Variants in ZMAT4 observed in about 807,000 individuals in gnomAD.
ZMAT4 encodes the protein zinc finger matrin-type 4.
ZMAT4 carries 17 observed loss-of-function variants against 28.7 expected under a neutral mutation model. The ratio of observed to expected loss-of-function variants is 0.59; its 90% CI spans 0.41 to 0.89. The LOEUF is 0.89. Ranked by LOEUF, ZMAT4 falls within the 40% of genes least tolerant of loss-of-function variation. The pLI is 0.00. For missense variants in ZMAT4, 240 were observed against 283.8 expected, an observed-to-expected ratio of 0.85 and a Z score of 1.11; for synonymous variants, 117 against 109.2, an observed-to-expected ratio of 1.07 and a Z score of -0.44.
chr8:40,753,304 T>A (rs1812535104), intron 3 of ZMAT4, among the ~76,000 whole-genome samples: 1 of 151,970 alleles, frequency 6.6e-6, no homozygotes, highest in African/African-American at 2.4e-5. Flanking sequence ...CCTTTGCACA[T>A]CCTACTTACT....
At chr8:40,676,327 T>G (rs1808907919) in intron 4 of ZMAT4, among the ~76,000 whole-genome samples, 1 of 152,172 alleles carries the variant, frequency 6.6e-6, no homozygotes, top group African/African-American at 2.4e-5. Flanking sequence ...TTTCATTAAA[T>G]TTTGGAAAAA....
intron 5 of ZMAT4, among the ~76,000 whole-genome samples, chr8:40,614,497 G>A (rs1471416477): frequency 2.0e-5 from 3 of 152,058 alleles, no homozygotes; most frequent in Non-Finnish European, 2.9e-5. Context: ...TTTCTGTCTC[G>A]TTGATCTGTC....
intron 2 of ZMAT4, among the ~76,000 whole-genome samples, chr8:40,770,694 C>T (rs1476372800): frequency 2.0e-5 from 3 of 152,010 alleles, no homozygotes; most frequent in Admixed American, 6.6e-5. Flanking sequence ...ATTATAGGAG[C>T]GTGCCACCAC....
At chr8:40,817,127 A>C (rs961720378) in intron 2 of ZMAT4, among the ~76,000 whole-genome samples, 1 of 152,200 alleles carries the variant, frequency 6.6e-6, no homozygotes, top group African/African-American at 2.4e-5. Context: ...GCATTAAAAT[A>C]AACAAGCAGT....
intron 5 of ZMAT4, among the ~76,000 whole-genome samples, chr8:40,663,025 G>A (rs1294259233): frequency 6.6e-6 from 1 of 152,076 alleles, no homozygotes; most frequent in Non-Finnish European, 1.5e-5. Context: ...CTACTGACAA[G>A]TATTCATCTC....
chr8:40,558,206 T>A (rs1029512321), intron 6 of ZMAT4, among the ~76,000 whole-genome samples: 5 of 152,130 alleles, frequency 3.3e-5, no homozygotes, highest in Non-Finnish European at 7.4e-5. Context: ...TACACAGGGC[T>A]CTGGGAGCCA....
Position 40,531,723 on chromosome 8 carries a change from C to T in ZMAT4, c.*500G>A, listed in dbSNP as rs1802699832. On this transcript the variant is annotated 3_prime_UTR_variant, in exon 7 of 7. Transcript: ENST00000297737. ...GAGAAAACGACTGGTATTTATTTGT[C>T]CATTTGGTATTTTCCACTAATAGTG... 1 of 152,710 alleles carries T rather than the reference C, an allele frequency of 6.5e-6. No individual in the cohort carries two copies. The highest frequency in any genetic ancestry group is 2.1e-4 in the South Asian group (1 of 4,830). The allele number at this position is 152,710 out of a possible 1,614,324, so 9.5% of individuals were successfully genotyped here.
At chr8:40,586,863 A>G (rs1001909068) in intron 5 of ZMAT4, among the ~76,000 whole-genome samples, 1 of 152,208 alleles carries the variant, frequency 6.6e-6, no homozygotes, top group African/African-American at 2.4e-5. Flanking sequence ...AAAAAATATA[A>G]TTAAAGGTTG....
chr8:40,647,121 C>T (rs958333639), intron 5 of ZMAT4, among the ~76,000 whole-genome samples: 3 of 152,262 alleles, frequency 2.0e-5, no homozygotes, highest in Non-Finnish European at 4.4e-5. Flanking sequence ...CCAGCGTGAG[C>T]GACGCAGAAG....
At chr8:40,784,862 T>C (rs1813999823) in intron 2 of ZMAT4, among the ~76,000 whole-genome samples, 1 of 152,174 alleles carries the variant, frequency 6.6e-6, no homozygotes, top group African/African-American at 2.4e-5. Flanking sequence ...CAGTAAATAA[T>C]AAGAGAGGTG....
chr8:40,869,556 A>T (rs1366678302), intron 1 of ZMAT4, among the ~76,000 whole-genome samples: 1 of 152,218 alleles, frequency 6.6e-6, no homozygotes, highest in African/African-American at 2.4e-5. Flanking sequence ...TCACAAGATT[A>T]TTAGAAGAAC....
chr8:40,879,624 T>C lies in ZMAT4; in HGVS notation c.-5+18059A>G, dbSNP rs1818152734. 3.9e-5 allele frequency among the ~76,000 whole-genome samples: 6 copies of C among 152,212 alleles called. No homozygotes were observed. The South Asian group carries it at 1.2e-3, about 32-fold the overall frequency. On this transcript the variant is annotated intron_variant, in intron 1 of 6. Transcript: ENST00000297737. ...TCAGAGGCAACTGGGTCTCATTTTCTTTCTGTAATTTTTATTATTTGTGTT... is the reference window on the plus strand; with the variant it reads ...TCAGAGGCAACTGGGTCTCATTTTCCTTCTGTAATTTTTATTATTTGTGTT...
chr8:40,590,337 A>G (rs1027586265), intron 5 of ZMAT4, among the ~76,000 whole-genome samples: 3 of 151,664 alleles, frequency 2.0e-5, no homozygotes, highest in African/African-American at 7.3e-5. Context: ...TGGCCTAAAT[A>G]CTTTCTTAAA....
At chr8:40,784,733 T>G (rs1214790314) in intron 2 of ZMAT4, among the ~76,000 whole-genome samples, 1 of 152,148 alleles carries the variant, frequency 6.6e-6, no homozygotes, top group Non-Finnish European at 1.5e-5. Context: ...CGGAGAATCA[T>G]TACCCCTGCT....
rs747867603 is a variant in ZMAT4, at chr8:40,868,409, C to A, written c.-5+29274G>T. Among the ~76,000 whole-genome samples, 3 of 152,106 alleles carry A rather than the reference C, an allele frequency of 2.0e-5. No homozygotes were observed. The East Asian group carries it at 5.8e-4, about 29-fold the overall frequency. On this transcript the variant is annotated intron_variant, in intron 1 of 6. Transcript: ENST00000297737. Reference sequence around the variant, plus strand: ...GAGCAGCTAAGCCCTGCTACAGAACCACAGGGGAGGAAGTAAACCTGGCAC... The same window carrying A: ...GAGCAGCTAAGCCCTGCTACAGAACAACAGGGGAGGAAGTAAACCTGGCAC...
intron 1 of ZMAT4, among the ~76,000 whole-genome samples, chr8:40,851,263 G>A (rs1008309642): frequency 3.9e-5 from 6 of 152,158 alleles, no homozygotes; most frequent in South Asian, 2.1e-4. Flanking sequence ...AGGAGGCGGA[G>A]ATTGCAGTGA....
At chr8:40,624,485 C>T (rs1271709795) in intron 5 of ZMAT4, among the ~76,000 whole-genome samples, 1 of 152,212 alleles carries the variant, frequency 6.6e-6, no homozygotes. Flanking sequence ...AGATAATGTC[C>T]ACCTTCCTTT....
At position 40,649,754 on chromosome 8, in the gene ZMAT4, A is replaced by C. The variant is rs560240823; in HGVS notation, c.577+24950T>G. Among the ~76,000 whole-genome samples, 37 of 152,220 alleles carry C rather than the reference A, an allele frequency of 2.4e-4. No individual in the cohort carries two copies. In the East Asian group the frequency reaches 6.9e-3, roughly 29 times the overall value. ...CAGACCACAGTGCAATCAAACTAGA[A>C]CTCAGGATTAATAATCTCACTCAAA... On this transcript the variant is annotated intron_variant, in intron 5 of 6. Transcript: ENST00000297737.
At chr8:40,873,586 G>A (rs118088296) in intron 1 of ZMAT4, among the ~76,000 whole-genome samples, 39 of 152,266 alleles carry the variant, frequency 2.6e-4, no homozygotes, top group Non-Finnish European at 4.3e-4. Flanking sequence ...CCTTCAAGAG[G>A]TTGATTCCTC....
Sources: gnomAD v4.1 joint callset for allele counts (sites outside exome capture counted in the v4.1 genomes callset) on GRCh38, gnomAD v4.1.1 for gene constraint, MANE v1.5 for transcripts, NCBI Gene and HGNC (gene_info 2026-07-23, HGNC 2026-07-21) for gene names.